Variants in LIN54 observed in about 807,000 individuals in gnomAD.
LIN54 encodes the protein lin-54 DREAM MuvB core complex component.
LIN54 carries 9 observed loss-of-function variants against 78.7 expected under a neutral mutation model. That is an observed-to-expected ratio of 0.11 (90% confidence interval 0.07 to 0.20). The LOEUF (loss-of-function observed/expected upper bound fraction) is 0.20. LIN54 is among the 10% of genes least tolerant of loss of function. LIN54 has a pLI of 1.00. For synonymous variants in LIN54, 269 were observed against 318.4 expected (o/e 0.84, Z 1.65); for missense variants, 573 against 889.9 (o/e 0.64, Z 4.53).
At chr4:82,977,910 C>T (rs1269474672) in intron 3 of LIN54, among the ~76,000 whole-genome samples, 2 of 152,148 alleles carry the variant, frequency 1.3e-5, no homozygotes, top group Admixed American at 1.3e-4. Context: ...ACTTGAGCTG[C>T]TAGCCAAACA....
intron 5 of LIN54, chr4:82,944,669 T>G (rs1723211399): frequency 6.6e-6 from 1 of 152,096 alleles, no homozygotes; most frequent in African/African-American, 2.4e-5. Flanking sequence ...CTTCTATAGG[T>G]TCCCTCAGGT....
In LIN54 at chr4:82,927,463, C is replaced by G. The variant is rs1721571441; in HGVS notation, c.*639G>C. 1 of 152,186 alleles carries G rather than the reference C, an allele frequency of 6.6e-6. No individual in the cohort carries two copies. Among genetic ancestry groups the G allele is most frequent in the Non-Finnish European group, 1.5e-5 (1 of 68,046 alleles). The allele number at this position is 152,186 out of a possible 1,614,324, so 9.4% of individuals were successfully genotyped here. ...ATTATAGAAACACATTGCCCATCCT[C>G]TGAGATTTACTGTCCTTTAATATTT... On this transcript the variant is annotated 3_prime_UTR_variant, in exon 13 of 13. Coordinates refer to ENST00000340417, the MANE Select transcript of LIN54 (RefSeq NM_194282.4).
In LIN54 at chr4:82,926,454, A is replaced by G. The variant is rs575534491; in HGVS notation, c.*1648T>C. 5.2e-5 allele frequency: 8 copies of G among 152,692 alleles called. No individual in the cohort carries two copies. The highest frequency in any genetic ancestry group is 2.0e-4 in the Admixed American group (3 of 15,292). 9.5% of individuals were successfully genotyped at this position (152,692 alleles called of 1,614,324 possible). A position where few individuals can be genotyped will look rare whatever the true frequency, so the allele number is the denominator to read the frequency against. On this transcript the variant is annotated 3_prime_UTR_variant, in exon 13 of 13. Coordinates refer to ENST00000340417, the MANE Select transcript of LIN54 (RefSeq NM_194282.4). ...TCCTCTTTTGGATTACTTAATTTCT[A>G]TTGCCTATATCTTGCATGTTCATAT...
chr4:83,010,869 G>T, upstream of LIN54: 1 of 1,100,558 alleles, frequency 9.1e-7, no homozygotes, highest in Non-Finnish European at 1.1e-6. Context: ...CCCCACCCGG[G>T]AGGCGCACAC....
At chr4:82,964,188 C>T (rs556087141) in intron 4 of LIN54, among the ~76,000 whole-genome samples, 1 of 152,082 alleles carries the variant, frequency 6.6e-6, no homozygotes, top group East Asian at 1.9e-4. Context: ...GTAGCTGGGA[C>T]TACAGGCGTG....
chr4:82,995,064 G>A (rs1283971150), intron 1 of LIN54, among the ~76,000 whole-genome samples: 12 of 152,066 alleles, frequency 7.9e-5, no homozygotes, highest in Admixed American at 7.9e-4. Flanking sequence ...GCCAAGGCAA[G>A]AGGACTGCTT....
chr4:82,930,106 C>T (rs1313161503), intron 12 of LIN54, among the ~76,000 whole-genome samples: 2 of 152,120 alleles, frequency 1.3e-5, no homozygotes, highest in African/African-American at 4.8e-5. Flanking sequence ...ACCATGTTGG[C>T]CAGGCTAGTC....
At chr4:82,952,667 C>T (rs1560738741) in intron 4 of LIN54, among the ~76,000 whole-genome samples, 1 of 152,184 alleles carries the variant, frequency 6.6e-6, no homozygotes, top group Non-Finnish European at 1.5e-5. Context: ...AACTCACGTT[C>T]ATAGCAGCAC....
At chr4:82,976,089 G>A (rs766831674) in intron 3 of LIN54, among the ~76,000 whole-genome samples, 1 of 152,124 alleles carries the variant, frequency 6.6e-6, no homozygotes, top group Admixed American at 6.6e-5. Flanking sequence ...AGATCCATAT[G>A]GTGATCTCTT....
At chr4:82,961,674 G>GCCA (rs1268383299) in intron 4 of LIN54, among the ~76,000 whole-genome samples, 3 of 152,164 alleles carry the variant, frequency 2.0e-5, no homozygotes, top group African/African-American at 7.2e-5. Context: ...CATTAAGAAG[G>GCCA]CCAGGCGTGG....
intron 1 of LIN54, among the ~76,000 whole-genome samples, chr4:82,985,565 G>A (rs13151495): frequency 0.18 from 26,937 of 151,802 alleles, 2,567 homozygotes; most frequent in South Asian, 0.32. Flanking sequence ...TATTGAGACG[G>A]AGTCTCACTC....
intron 3 of LIN54, among the ~76,000 whole-genome samples, chr4:82,971,518 A>T (rs1156253228): frequency 6.7e-6 from 1 of 150,286 alleles, no homozygotes; most frequent in African/African-American, 2.5e-5. Context: ...CAATTTTTAA[A>T]TTTTTTTTAA....
intron 5 of LIN54, chr4:82,944,782 A>G (rs1044879543): frequency 1.3e-5 from 2 of 152,230 alleles, no homozygotes; most frequent in African/African-American, 4.8e-5. Flanking sequence ...AAAAGGTAGA[A>G]CAAGGAGTTC....
intron 12 of LIN54, 31 bp downstream of exon 12, chr4:82,930,912 G>A (rs985899): frequency 1 from 1,596,393 of 1,597,352 alleles, 797,720 homozygotes; most frequent in East Asian, 1. Flanking sequence ...TATTTGGGAA[G>A]TACTATAAAA....
At chr4:82,944,912 A>AGT (rs1327245766) in intron 5 of LIN54, 1 of 152,056 alleles carries the variant, frequency 6.6e-6, no homozygotes, top group African/African-American at 2.4e-5. Context: ...CCCAGGCTGG[A>AGT]GTGCAGTGGC....
chr4:82,949,084 C>T (rs1366477664), intron 4 of LIN54, among the ~76,000 whole-genome samples: 2 of 152,240 alleles, frequency 1.3e-5, no homozygotes, highest in East Asian at 3.9e-4. Flanking sequence ...TCTTTAGAAA[C>T]CTCCACACTG....
intron 11 of LIN54, among the ~76,000 whole-genome samples, chr4:82,932,665 A>AG (rs1044207846): frequency 1.3e-5 from 2 of 151,238 alleles, no homozygotes; most frequent in African/African-American, 4.8e-5. Flanking sequence ...TTTAAAAAAA[A>AG]AAAAAAAAAA....
chr4:83,002,141 T>C (rs563841700), intron 1 of LIN54, among the ~76,000 whole-genome samples: 2 of 151,288 alleles, frequency 1.3e-5, no homozygotes, highest in Non-Finnish European at 2.9e-5. Context: ...ATCGGCATTA[T>C]TCAAGACTGC....
rs754236309 is a variant in LIN54, at chr4:82,939,680, C to T, written c.1299G>A (p.Gln433=). ...TSQIVTTSQP[Q]QRLIMPATPL... ...GTGTGGCAGGCATGATAAGCCGTTG[C>T]TGTGGCTGGCTAGTAGTTACTATTT... Residue 433 remains glutamine, a synonymous_variant, in exon 7 of 13, where the codon CAG becomes CAA. Coordinates refer to ENST00000340417, the MANE Select transcript of LIN54 (RefSeq NM_194282.4). The T allele has an allele frequency of 7.4e-6, 12 of 1,614,028 alleles. No individual in the cohort carries two copies. Among genetic ancestry groups the T allele is most frequent in the Non-Finnish European group, 7.6e-6 (9 of 1,179,896 alleles).
Sources: allele counts gnomAD v4.1 joint callset (sites outside exome capture counted in the v4.1 genomes callset), GRCh38; gene constraint gnomAD v4.1.1; transcripts MANE v1.5; gene names NCBI Gene and HGNC (gene_info 2026-07-23, HGNC 2026-07-21).